SH3RF2: variants seen among roughly 807,000 people sequenced by gnomAD.
The protein encoded by SH3RF2 is SH3 domain containing ring finger 2, also known as E3 ubiquitin-protein ligase SH3RF2.
In SH3RF2, 43 loss-of-function variants were observed where a neutral mutation model predicts 59.0. The ratio of observed to expected loss-of-function variants is 0.73; its 90% CI spans 0.57 to 0.94. The LOEUF (loss-of-function observed/expected upper bound fraction) is 0.94. Among genes scored for constraint, SH3RF2 ranks in the 40% least tolerant of loss-of-function variants. SH3RF2 has a pLI of 0.00. For missense variants in SH3RF2, 930 were observed against 940.1 expected, an observed-to-expected ratio of 0.99 and a Z score of 0.14; for synonymous variants, 391 against 391.5, an observed-to-expected ratio of 1.00 and a Z score of 0.01.
At chr5:145,998,289 A>C (rs959148200) in intron 2 of SH3RF2, among the ~76,000 whole-genome samples, 2 of 151,992 alleles carry the variant, frequency 1.3e-5, no homozygotes, top group African/African-American at 4.8e-5. Flanking sequence ...GTTAAAAAAA[A>C]AAAAAAAAAG....
At chr5:145,987,700 T>C (rs934931055) in intron 2 of SH3RF2, among the ~76,000 whole-genome samples, 1 of 151,868 alleles carries the variant, frequency 6.6e-6, no homozygotes, top group Non-Finnish European at 1.5e-5. Flanking sequence ...CCATGAAGGG[T>C]CTTGACCATA....
At chr5:146,011,884 C>A (rs186964651) in intron 4 of SH3RF2, among the ~76,000 whole-genome samples, 6 of 152,144 alleles carry the variant, frequency 3.9e-5, no homozygotes, top group Non-Finnish European at 7.3e-5. Flanking sequence ...CTTTCTCCTG[C>A]CTGATTGCCC....
At chr5:146,016,438 GATAA>G (rs1007091713) in intron 5 of SH3RF2, among the ~76,000 whole-genome samples, 20 of 152,018 alleles carry the variant, frequency 1.3e-4, no homozygotes, top group Non-Finnish European at 1.8e-4. Flanking sequence ...TAGATAGATA[GATAA>G]ATAGATACAG....
chr5:145,962,372 A>T (rs1318036963), intron 2 of SH3RF2, among the ~76,000 whole-genome samples: 1 of 152,264 alleles, frequency 6.6e-6, no homozygotes, highest in Non-Finnish European at 1.5e-5. Flanking sequence ...CAAACATTTT[A>T]CACATGAGTG....
Position 146,062,907 on chromosome 5 carries a change from A to G in SH3RF2, c.*206A>G, listed in dbSNP as rs1762954502. 7.7e-6 allele frequency: 5 copies of G among 653,022 alleles called. No homozygotes were observed. Among genetic ancestry groups the G allele is most frequent in the South Asian group, 2.0e-5 (1 of 49,144 alleles). The allele number at this position is 653,022 out of a possible 1,614,324, so 40.5% of individuals were successfully genotyped here. On this transcript the variant is annotated 3_prime_UTR_variant, in exon 10 of 10. Coordinates refer to ENST00000359120, the MANE Select transcript of SH3RF2 (RefSeq NM_152550.4). ...GGCGTGGCCTTCCAAACATACAAACATAATGATTTGATGCCACAAAGCTCG... is the reference window on the plus strand; with the variant it reads ...GGCGTGGCCTTCCAAACATACAAACGTAATGATTTGATGCCACAAAGCTCG...
Position 145,965,085 on chromosome 5 carries a change from C to T in SH3RF2, c.378+26779C>T, listed in dbSNP as rs551346425. Among the ~76,000 whole-genome samples, 7 of 151,968 alleles carry T rather than the reference C, an allele frequency of 4.6e-5. No homozygotes were observed. In the East Asian group the frequency reaches 5.8e-4, roughly 13 times the overall value. ...GCATGCACCTGTAATCCCAGCTACT[C>T]GGGAGGCTGAGGCAGGAGAATTGCT... On this transcript the variant is annotated intron_variant, in intron 2 of 9. Coordinates refer to ENST00000359120, the MANE Select transcript of SH3RF2 (RefSeq NM_152550.4).
At chr5:146,025,672 CTAAA>C (rs1359029821) in intron 5 of SH3RF2, among the ~76,000 whole-genome samples, 1 of 152,144 alleles carries the variant, frequency 6.6e-6, no homozygotes, top group African/African-American at 2.4e-5. Flanking sequence ...CTGCTGGAAA[CTAAA>C]TACTGCCAAT....
intron 8 of SH3RF2, 70 bp downstream of exon 8, chr5:146,056,283 G>T: frequency 6.2e-7 from 1 of 1,600,930 alleles, no homozygotes; most frequent in Non-Finnish European, 8.5e-7. Flanking sequence ...GGGTACACAG[G>T]ATGCTTTTTG....
rs1561753484 is a variant in SH3RF2 at position 146,033,451 on chromosome 5, C to CCTT, written c.1060-14321_1060-14320insCTT. ...AAAATCTATGAGCACTAGCCCTTAG[C>CCTT]TTTTTTTTTTTTTTTTTTTTTTTTT... On this transcript the variant is annotated intron_variant, in intron 5 of 9. Transcript: ENST00000359120. 1.4e-4 allele frequency among the ~76,000 whole-genome samples: 10 copies of CCTT among 71,856 alleles called. 5 individuals are homozygous for CCTT. Among genetic ancestry groups the CCTT allele is most frequent in the African/African-American group, 1.9e-4 (2 of 10,386 alleles). The allele number at this position is 71,856 out of a possible 152,430, so 47.1% of individuals were successfully genotyped here. A position where few individuals can be genotyped will look rare whatever the true frequency, so the allele number is the denominator to read the frequency against.
At chr5:146,074,445 T>C (rs1763302571) in intron 9 of SH3RF2, among the ~76,000 whole-genome samples, 1 of 152,048 alleles carries the variant, frequency 6.6e-6, no homozygotes, top group Non-Finnish European at 1.5e-5. Context: ...TCCCCATCTC[T>C]ACAACGAGGG....
At chr5:146,042,103 C>T (rs919470067) in intron 5 of SH3RF2, among the ~76,000 whole-genome samples, 1 of 152,244 alleles carries the variant, frequency 6.6e-6, no homozygotes, top group African/African-American at 2.4e-5. Context: ...CGCCAAGTTA[C>T]CGCAAGGCAA....
At chr5:146,026,995 T>C (rs1329651372) in intron 5 of SH3RF2, among the ~76,000 whole-genome samples, 1 of 152,166 alleles carries the variant, frequency 6.6e-6, no homozygotes, top group African/African-American at 2.4e-5. Context: ...GCTAAAACCA[T>C]CTCCCATCCC....
chr5:145,952,180 G>A (rs956322515), intron 2 of SH3RF2, among the ~76,000 whole-genome samples: 1 of 152,096 alleles, frequency 6.6e-6, no homozygotes, highest in African/African-American at 2.4e-5. Context: ...CTGGTCCAGG[G>A]TTCAGTTGCT....
In SH3RF2 at chr5:146,014,062, G is replaced by A. The variant is rs1460323761; in HGVS notation, c.1059+1G>A. 1.2e-6 allele frequency: 2 copies of A among 1,612,386 alleles called. No homozygotes were observed. Among genetic ancestry groups the A allele is most frequent in the Admixed American group, 3.4e-5 (2 of 59,400 alleles). On this transcript the variant is annotated splice_donor_variant, in intron 5 of 9. Transcript: ENST00000359120. LOFTEE classifies it high-confidence loss of function. The stretch of plus-strand genomic sequence containing the variant: ...CGTTCCTTCCAGCTGTGTGGGACAG[G>A]TAGGGAAGAAACGCCTGGGATGAGG...
At position 145,997,705 on chromosome 5, in the gene SH3RF2, T is replaced by C; in HGVS notation, c.379-2353T>C. On this transcript the variant is annotated intron_variant, in intron 2 of 9. Transcript: ENST00000359120. ...ATTGCTAAGGTAACAGGGAAAAAGG[T>C]ATATGCTACAAGCCAGCAAATTTTT... 1.9e-6 allele frequency: 3 copies of C among 1,566,962 alleles called. No individual in the cohort carries two copies. The African/African-American group carries it at 4.1e-5, about 21-fold the overall frequency.
intron 5 of SH3RF2, among the ~76,000 whole-genome samples, chr5:146,020,154 T>C (rs11750281): frequency 0.33 from 50,645 of 151,774 alleles, 8,870 homozygotes; most frequent in Non-Finnish European, 0.38. Flanking sequence ...ATTTGCACAA[T>C]GTCTCAAGGG....
chr5:146,032,483 C>A (rs1226783840), intron 5 of SH3RF2, among the ~76,000 whole-genome samples: 2 of 152,108 alleles, frequency 1.3e-5, no homozygotes, highest in Non-Finnish European at 2.9e-5. Context: ...TTCCAAGATT[C>A]ATATAGGTAA....
At position 146,060,160 on chromosome 5, in the gene SH3RF2, C is replaced by A. The variant is rs1012013027; in HGVS notation, c.1850C>A (p.Pro617Gln). ...ATCAAGAGTGAGCCTCTGCCAAAAC[C>A]GCCCGCATCTGCCCCACCATCCATC... ...IPIKSEPLPKPPASAPPSILV... is the reference protein window; with the variant it reads ...IPIKSEPLPKQPASAPPSILV... Residue 617 changes from proline to glutamine, a missense_variant, in exon 9 of 10, where the codon CCG (proline) becomes CAG (glutamine). Coordinates refer to ENST00000359120, the MANE Select transcript of SH3RF2 (RefSeq NM_152550.4). 3.7e-6 allele frequency: 6 copies of A among 1,613,924 alleles called. No homozygotes were observed. The highest frequency in any genetic ancestry group is 5.1e-6 in the Non-Finnish European group (6 of 1,179,978).
intron 9 of SH3RF2, 142 bp from the exon 10 acceptor site, chr5:146,062,284 C>T (rs1385827890): frequency 9.5e-7 from 1 of 1,048,618 alleles, no homozygotes; most frequent in African/African-American, 1.6e-5. Context: ...TGTACTTCCC[C>T]CATCTTAGCA....
Sources: allele counts gnomAD v4.1 joint callset (sites outside exome capture counted in the v4.1 genomes callset), GRCh38; gene constraint gnomAD v4.1.1; transcripts MANE v1.5; gene names NCBI Gene and HGNC (gene_info 2026-07-23, HGNC 2026-07-21).